GAB2: variants seen among roughly 807,000 people sequenced by gnomAD.
GAB2 encodes the protein GRB2-associated-binding protein 2.
A neutral mutation model predicts 65.5 loss-of-function variants in GAB2; 26 were observed. The observed-to-expected ratio is 0.40, with a 90% CI of 0.29 to 0.55. GAB2 has a LOEUF of 0.55. GAB2 is among the 20% of genes least tolerant of loss of function. The probability of loss-of-function intolerance (pLI) is 0.53; values close to 1 mark genes in which losing one functional copy is unlikely to be tolerated. For synonymous variants in GAB2, 321 were observed against 329.6 expected, an observed-to-expected ratio of 0.97 and a Z score of 0.28; for missense variants, 884 against 875.8, an observed-to-expected ratio of 1.01 and a Z score of -0.12.
intron 1 of GAB2, among the ~76,000 whole-genome samples, chr11:78,367,443 C>T (rs2134723893): frequency 6.6e-6 from 1 of 152,326 alleles, no homozygotes; most frequent in South Asian, 2.1e-4. Flanking sequence ...CCACCCAGTT[C>T]CAGCTAATTG....
At chr11:78,329,598 A>C (rs976536786) in intron 1 of GAB2, among the ~76,000 whole-genome samples, 2 of 152,180 alleles carry the variant, frequency 1.3e-5, no homozygotes, top group African/African-American at 4.8e-5. Flanking sequence ...CTAGGTACTC[A>C]ACAAGTACAA....
chr11:78,407,670 A>AAAGAAAGT (rs1857067773), intron 1 of GAB2, among the ~76,000 whole-genome samples: 30 of 141,266 alleles, frequency 2.1e-4, no homozygotes, highest in African/African-American at 8.6e-4. Context: ...AGAAAGAAAG[A>AAAGAAAGT]AAGAAAGAAA....
At chr11:78,370,745 G>A (rs981017107) in intron 1 of GAB2, among the ~76,000 whole-genome samples, 1 of 152,010 alleles carries the variant, frequency 6.6e-6, no homozygotes, top group Non-Finnish European at 1.5e-5. Flanking sequence ...GTGTGTGTGT[G>A]TAAGGGGTAA....
At chr11:78,347,423 G>T (rs1856209287) in intron 1 of GAB2, among the ~76,000 whole-genome samples, 1 of 152,170 alleles carries the variant, frequency 6.6e-6, no homozygotes, top group Admixed American at 6.5e-5. Flanking sequence ...AAGAACATGG[G>T]CTTTGGAGTT....
intron 1 of GAB2, among the ~76,000 whole-genome samples, chr11:78,352,601 G>C (rs865850249): frequency 4.0e-4 from 61 of 151,982 alleles, no homozygotes; most frequent in African/African-American, 1.4e-3. Flanking sequence ...GAGATCTGAT[G>C]TTATCAGGGA....
chr11:78,360,395 T>TAA (rs60132161), intron 1 of GAB2, among the ~76,000 whole-genome samples: 144 of 139,910 alleles, frequency 1.0e-3, no homozygotes, highest in East Asian at 7.4e-3. Flanking sequence ...TTTCTGTATT[T>TAA]AAAAAAAAAA....
rs1565168121 is a variant in GAB2, at chr11:78,346,692, TA to T, written c.76-65792del. 2.3e-4 allele frequency among the ~76,000 whole-genome samples: 21 copies of T among 90,084 alleles called. 1 individual carries two copies. The highest frequency in any genetic ancestry group is 3.9e-4 in the East Asian group (1 of 2,570). The allele number at this position is 90,084 out of a possible 152,430, so 59.1% of individuals were successfully genotyped here. A position where few individuals can be genotyped will look rare whatever the true frequency, so the allele number is the denominator to read the frequency against. On this transcript the variant is annotated intron_variant, in intron 1 of 9. Transcript: ENST00000361507. ...TCCCCTCCATATATATATATATATA[TA>T]TATATATATATATATATATATATAT...
intron 1 of GAB2, among the ~76,000 whole-genome samples, chr11:78,309,066 G>A (rs1221708413): frequency 6.6e-6 from 1 of 152,160 alleles, no homozygotes; most frequent in Non-Finnish European, 1.5e-5. Flanking sequence ...AGAAAAAAAG[G>A]TATTTGAGAA....
intron 2 of GAB2, among the ~76,000 whole-genome samples, chr11:78,278,446 G>A (rs1475952090): frequency 2.6e-5 from 4 of 151,142 alleles, no homozygotes; most frequent in Non-Finnish European, 4.4e-5. Context: ...GCAGTGGTGC[G>A]ATCTTGTCTC....
chr11:78,291,117 A>G lies in GAB2; in HGVS notation c.76-10216T>C, dbSNP rs138048983. On this transcript the variant is annotated intron_variant, in intron 1 of 9. Transcript: ENST00000361507. The stretch of plus-strand genomic sequence containing the variant: ...TGTTTGTTGACTCCTGGCCTAAACA[A>G]AGGGTGGGAAGGTTGGGGAGTGTGA... 2.2e-3 allele frequency among the ~76,000 whole-genome samples: 337 copies of G among 152,082 alleles called. 7 individuals are homozygous for G. In the East Asian group the frequency reaches 0.042, roughly 19 times the overall value.
At chr11:78,406,210 G>A (rs1028682188) in intron 1 of GAB2, among the ~76,000 whole-genome samples, 9 of 152,268 alleles carry the variant, frequency 5.9e-5, no homozygotes, top group South Asian at 2.1e-4. Flanking sequence ...CCTTCCTATC[G>A]GGAGTGTCAA....
chr11:78,411,078 A>G (rs937543488), intron 1 of GAB2, among the ~76,000 whole-genome samples: 8 of 143,000 alleles, frequency 5.6e-5, no homozygotes, highest in African/African-American at 2.1e-4. Flanking sequence ...ACCTGAGCCC[A>G]GGAATTTGAG....
chr11:78,396,785 T>C (rs896555116), intron 1 of GAB2, among the ~76,000 whole-genome samples: 2 of 152,136 alleles, frequency 1.3e-5, no homozygotes, highest in African/African-American at 4.8e-5. Flanking sequence ...TTAGTAGAGA[T>C]GGGATTTCTC....
At chr11:78,416,961 G>A (rs1029411724) in intron 1 of GAB2, among the ~76,000 whole-genome samples, 2 of 152,184 alleles carry the variant, frequency 1.3e-5, no homozygotes, top group Admixed American at 6.5e-5. Context: ...ACACCCGGGA[G>A]CTGCCCGGTC....
chr11:78,383,302 T>C (rs1382733628), intron 1 of GAB2, among the ~76,000 whole-genome samples: 1 of 151,918 alleles, frequency 6.6e-6, no homozygotes. Context: ...TGAAATAATC[T>C]TCCAGAAAAG....
At chr11:78,270,802 G>A (rs865891440) in intron 2 of GAB2, among the ~76,000 whole-genome samples, 3 of 152,222 alleles carry the variant, frequency 2.0e-5, no homozygotes, top group Non-Finnish European at 4.4e-5. Context: ...TGTTCACAAT[G>A]TGTACCTGTA....
At chr11:78,306,511 C>T (rs1380981558) in intron 1 of GAB2, among the ~76,000 whole-genome samples, 2 of 152,174 alleles carry the variant, frequency 1.3e-5, no homozygotes, top group Non-Finnish European at 2.9e-5. Flanking sequence ...GGATTACAGG[C>T]GGTGAGCACT....
Position 78,231,336 on chromosome 11 carries a change from G to GTGGTGTGTGTGT in GAB2, c.621-4286_621-4285insACACACACACCA, listed in dbSNP as rs1554975133. 4.4e-3 allele frequency among the ~76,000 whole-genome samples: 640 copies of GTGGTGTGTGTGT among 145,890 alleles called. 3 individuals carry two copies. The highest frequency in any genetic ancestry group is 0.016 in the African/African-American group (614 of 38,674). On this transcript the variant is annotated intron_variant, in intron 3 of 9. Transcript: ENST00000361507. The stretch of plus-strand genomic sequence containing the variant: ...CCTTGGTGCGCGCGCGCGCGTGTGT[G>GTGGTGTGTGTGT]GTGTGTGTGTGTGTGTGTGTGTGTG...
rs1271867052 is a variant in GAB2 at position 78,216,141 on chromosome 11, T to C, written c.*3131A>G. On this transcript the variant is annotated 3_prime_UTR_variant, in exon 10 of 10. Coordinates refer to ENST00000361507, the MANE Select transcript of GAB2 (RefSeq NM_080491.3). ...GTGGATGGGACCTCAGCGCAGCTAA[T>C]CCAACCTCCCATTCCACAGACAGGC... 1.3e-5 allele frequency: 2 copies of C among 152,634 alleles called. No homozygotes were observed. Among genetic ancestry groups the C allele is most frequent in the East Asian group, 3.8e-4 (2 of 5,196 alleles). 9.5% of individuals were successfully genotyped at this position (152,634 alleles called of 1,614,324 possible).
Sources: allele counts gnomAD v4.1 joint callset (sites outside exome capture counted in the v4.1 genomes callset), GRCh38; gene constraint gnomAD v4.1.1; transcripts MANE v1.5; gene names NCBI Gene and HGNC (gene_info 2026-07-23, HGNC 2026-07-21).